USP47: variants seen among roughly 807,000 people sequenced by gnomAD.
USP47 encodes the protein ubiquitin specific peptidase 47.
Under a neutral mutation model 165.1 loss-of-function variants are expected in USP47, and 35 were observed. That is an observed-to-expected ratio of 0.21 (90% CI 0.16 to 0.28). The LOEUF is 0.28. Among genes scored for constraint, USP47 ranks in the 10% least tolerant of loss-of-function variants. The pLI is 1.00. For synonymous variants in USP47, 531 were observed against 544.5 expected (o/e 0.98, Z 0.35); for missense variants, 1,277 against 1,607.4 (o/e 0.79, Z 3.52).
At chr11:11,953,546 C>T (rs1856359784) in intron 25 of USP47, among the ~76,000 whole-genome samples, 1 of 152,022 alleles carries the variant, frequency 6.6e-6, no homozygotes, top group African/African-American at 2.4e-5. Flanking sequence ...AACCTATCCT[C>T]TGCATAGCCA....
chr11:11,940,874 C>A (rs1453437650), intron 19 of USP47, among the ~76,000 whole-genome samples: 1 of 151,282 alleles, frequency 6.6e-6, no homozygotes, highest in East Asian at 1.9e-4. Context: ...ATAACCATTT[C>A]TTCCCACAGT....
rs138658151 is a variant in USP47, at chr11:11,873,072, T to C, written c.40-7105T>C. On this transcript the variant is annotated intron_variant, in intron 1 of 27. Transcript: ENST00000527733. ...TGTGCATAGACTGGAGAAGATGAGA[T>C]GAGAGCAATGGTGGCTATTTTAGAG... Among the ~76,000 whole-genome samples, 224 of 152,302 alleles carry C rather than the reference T, an allele frequency of 1.5e-3. 1 individual carries two copies. The highest frequency in any genetic ancestry group is 5.1e-3 in the African/African-American group (214 of 41,584).
In USP47 at chr11:11,905,542, T is replaced by C. The variant is rs1475080718; in HGVS notation, c.963T>C (p.Ala321=). The change falls in exon 8 of 28, where the codon GCT becomes GCC. Residue 321 remains alanine (A), a synonymous_variant. Coordinates refer to ENST00000527733, the MANE Select transcript of USP47 (RefSeq NM_001282659.2). The part of the protein sequence containing the change: ...IRPYGSSQAF[A]SVEEALHAFI... ...CTTATGGGTCCAGCCAAGCATTTGC[T>C]AGTGTGGTGTGTACCTTTCACCTGA... is the stretch of plus-strand genomic sequence containing the variant. The C allele has an allele frequency of 1.2e-6, 2 of 1,605,172 alleles. No individual in the cohort carries two copies. Among genetic ancestry groups the C allele is most frequent in the South Asian group, 1.1e-5 (1 of 90,108 alleles).
chr11:11,891,999 A>C lies in USP47; in HGVS notation c.389A>C (p.His130Pro). Residue 130 changes from histidine (H) to proline (P), a missense_variant, in exon 4 of 28, where the codon CAT (histidine) becomes CCT (proline). Physicochemically the swap from His to Pro is moderately conservative, Grantham distance 77. Coordinates refer to ENST00000527733, the MANE Select transcript of USP47 (RefSeq NM_001282659.2). ...TCCAGTGCTGGGGAAGACAGTGTTC[A>C]TGACAGGTTTATAGGTCCGCTTCCA... ...EDSSAGEDSV[H>P]DRFIGPLPRE... The C allele has an allele frequency of 6.2e-7, 1 of 1,613,876 alleles. No homozygotes were observed. The highest frequency in any genetic ancestry group is 8.5e-7 in the Non-Finnish European group (1 of 1,179,880).
At chr11:11,860,390 C>G (rs1015179156) in intron 1 of USP47, among the ~76,000 whole-genome samples, 18 of 152,074 alleles carry the variant, frequency 1.2e-4, no homozygotes, top group African/African-American at 4.1e-4. Flanking sequence ...GGAGTCTAAT[C>G]TAGATCTTTT....
intron 5 of USP47, among the ~76,000 whole-genome samples, chr11:11,901,541 A>G (rs1852227120): frequency 6.6e-6 from 1 of 152,208 alleles, no homozygotes; most frequent in South Asian, 2.1e-4. Context: ...AGCTGTAGCT[A>G]GGGCTAGACT....
chr11:11,847,280 T>G (rs567105919), intron 1 of USP47, among the ~76,000 whole-genome samples: 94 of 135,186 alleles, frequency 7.0e-4, no homozygotes, highest in South Asian at 3.3e-3. Context: ...TTACATAGTG[T>G]TTTTTTTTTT....
intron 1 of USP47, 36 bp downstream of exon 1, chr11:11,842,260 G>C: frequency 1.3e-6 from 2 of 1,548,148 alleles, no homozygotes; most frequent in South Asian, 1.2e-5. Context: ...CCTTAGGCCT[G>C]CGGCCGCTCG....
chr11:11,954,767 T>C, intron 25 of USP47, 130 bp from the exon 26 acceptor site: 1 of 1,084,042 alleles, frequency 9.2e-7, no homozygotes, highest in South Asian at 1.7e-5. Flanking sequence ...CGCTTTCTGC[T>C]TTTTCTTAAT....
At chr11:11,843,083 T>C (rs1261333041) in intron 1 of USP47, among the ~76,000 whole-genome samples, 1 of 152,202 alleles carries the variant, frequency 6.6e-6, no homozygotes, top group East Asian at 1.9e-4. Context: ...ATCATCAGGC[T>C]AATGCTTTGG....
intron 1 of USP47, among the ~76,000 whole-genome samples, chr11:11,860,484 G>A (rs1220965210): frequency 6.6e-6 from 1 of 152,106 alleles, no homozygotes; most frequent in East Asian, 1.9e-4. Context: ...TAACGTTAAC[G>A]TTTCTTTCAG....
At position 11,952,888 on chromosome 11, in the gene USP47, C is replaced by T. The variant is rs1366062019; in HGVS notation, c.3714+17C>T. ...CGAGAGAAGGTAAGTTCATTTTAAA[C>T]AAAACATGTATCTTATGTTGTATAT... is the stretch of plus-strand genomic sequence containing the variant. On this transcript the variant is annotated intron_variant, in intron 25 of 27. Coordinates refer to ENST00000527733, the MANE Select transcript of USP47 (RefSeq NM_001282659.2). 4.4e-6 allele frequency: 7 copies of T among 1,579,716 alleles called. No individual in the cohort carries two copies. Among genetic ancestry groups the T allele is most frequent in the Non-Finnish European group, 6.0e-6 (7 of 1,161,972 alleles).
chr11:11,864,294 G>T (rs7128291), intron 1 of USP47, among the ~76,000 whole-genome samples: 91,614 of 151,828 alleles, frequency 0.6, 29,528 homozygotes, highest in African/African-American at 0.83. Context: ...GAAACCTAGT[G>T]TGTTGGCAGT....
In USP47 at chr11:11,864,030, TC is replaced by T. The variant is rs1460818902; in HGVS notation, c.40-16145del. ...ATTATGGTGATAGCATTGCTTCTAG[TC>T]CTTTCAGTGGAAGGAGCTAGAAAAT... is the stretch of plus-strand genomic sequence containing the variant. On this transcript the variant is annotated intron_variant, in intron 1 of 27. Coordinates refer to ENST00000527733, the MANE Select transcript of USP47 (RefSeq NM_001282659.2). Among the ~76,000 whole-genome samples the T allele has an allele frequency of 3.3e-5, 5 of 152,272 alleles. No homozygotes were observed. In the East Asian group the frequency reaches 9.6e-4, roughly 29 times the overall value.
At chr11:11,922,527 C>T (rs549605536) in intron 10 of USP47, among the ~76,000 whole-genome samples, 197 bp from the exon 11 acceptor site, 1 of 151,948 alleles carries the variant, frequency 6.6e-6, no homozygotes, top group Admixed American at 6.6e-5. Context: ...GATAGAAATG[C>T]TTTTAAAATA....
At chr11:11,910,775 G>T (rs1428322144) in intron 8 of USP47, among the ~76,000 whole-genome samples, 1 of 152,030 alleles carries the variant, frequency 6.6e-6, no homozygotes, top group Non-Finnish European at 1.5e-5. Flanking sequence ...TCCCCAGATG[G>T]TACAGTGTCA....
At chr11:11,927,876 G>A (rs575467541) in intron 11 of USP47, among the ~76,000 whole-genome samples, 1 of 152,176 alleles carries the variant, frequency 6.6e-6, no homozygotes, top group East Asian at 1.9e-4. Context: ...TTTTGGCAAT[G>A]TATTTGTGAT....
In USP47 at chr11:11,937,415, G is replaced by T. The variant is rs538023767; in HGVS notation, c.2078-842G>T. On this transcript the variant is annotated intron_variant, in intron 17 of 27. Transcript: ENST00000527733. ...GATCCTGTATATCTCCTTTTTAAAT[G>T]AAGGCCTCTGTTTACAGAGTAGGTT... Among the ~76,000 whole-genome samples the T allele has an allele frequency of 1.1e-4, 16 of 151,770 alleles. No individual in the cohort carries two copies. The South Asian group carries it at 2.9e-3, about 28-fold the overall frequency.
At chr11:11,924,738 A>G (rs542900066) in intron 11 of USP47, among the ~76,000 whole-genome samples, 1 of 152,176 alleles carries the variant, frequency 6.6e-6, no homozygotes, top group East Asian at 1.9e-4. Flanking sequence ...ACTTGGGGGC[A>G]TAGAGTTGTA....
Sources: gnomAD v4.1 joint callset for allele counts (sites outside exome capture counted in the v4.1 genomes callset) on GRCh38, gnomAD v4.1.1 for gene constraint, MANE v1.5 for transcripts, NCBI Gene and HGNC (gene_info 2026-07-23, HGNC 2026-07-21) for gene names.